ROS1: variants seen among roughly 807,000 people sequenced by gnomAD.
ROS1 encodes the protein proto-oncogene tyrosine-protein kinase ROS.
In ROS1, 263 loss-of-function variants were observed where a neutral mutation model predicts 273.5. The ratio of observed to expected loss-of-function variants is 0.96; its 90% CI spans 0.87 to 1.06. ROS1 has a LOEUF of 1.06. Among genes scored for constraint, ROS1 ranks in the 50% least tolerant of loss-of-function variants. ROS1 has a pLI of 0.00. For missense variants in ROS1, 2,833 were observed against 2,751.1 expected (o/e 1.03, Z -0.67); for synonymous variants, 1,008 against 954.1 (o/e 1.06, Z -1.04).
chr6:117,393,311 C>A lies in ROS1; in HGVS notation c.1202G>T (p.Cys401Phe). 1.2e-6 allele frequency: 2 copies of A among 1,602,762 alleles called. No homozygotes were observed. Among genetic ancestry groups the A allele is most frequent in the African/African-American group, 1.3e-5 (1 of 74,774 alleles). ...GATGTTTGAGCAGTTCTCTAAATCACAGACACATACCTAAAAAAATAAAAA... is the reference window on the plus strand; with the variant it reads ...GATGTTTGAGCAGTTCTCTAAATCAAAGACACATACCTAAAAAAATAAAAA... ...YFIMDELVCV[C>F]DLENCSNIEE... is the part of the protein sequence containing the mutation. Residue 401 changes from cysteine to phenylalanine, a missense_variant, in exon 12 of 44, where the codon TGT becomes TTT. Transcript: ENST00000368507.
rs572587667 is a variant in ROS1, at chr6:117,336,659, G to A, written c.5230+513C>T. Among the ~76,000 whole-genome samples the A allele has an allele frequency of 2.6e-5, 4 of 152,212 alleles. No homozygotes were observed. The South Asian group carries it at 8.3e-4, about 32-fold the overall frequency. ...TACGTGTGCATGTATCTTTGTAATAGAATGATTTATATTCCTTTGGGTATG... is the reference window on the plus strand; with the variant it reads ...TACGTGTGCATGTATCTTTGTAATAAAATGATTTATATTCCTTTGGGTATG... On this transcript the variant is annotated intron_variant, in intron 32 of 43. Coordinates refer to ENST00000368507, the MANE Select transcript of ROS1 (RefSeq NM_001378902.1).
intron 39 of ROS1, among the ~76,000 whole-genome samples, chr6:117,314,057 C>CT (rs995554654): frequency 1.3e-5 from 2 of 151,364 alleles, no homozygotes; most frequent in African/African-American, 2.4e-5. Flanking sequence ...AGTAGATCCA[C>CT]TTTTTTTTTC....
intron 43 of ROS1, among the ~76,000 whole-genome samples, chr6:117,290,872 C>CTTAG: frequency 6.6e-6 from 1 of 152,262 alleles, no homozygotes; most frequent in Middle Eastern, 3.4e-3. Context: ...TTCTTCTCTA[C>CTTAG]GTACATATCT....
Position 117,365,139 on chromosome 6 carries a change from T to G in ROS1, c.3024A>C (p.Leu1008Phe). The G allele has an allele frequency of 6.2e-7, 1 of 1,613,350 alleles. No homozygotes were observed. Among genetic ancestry groups the G allele is most frequent in the Non-Finnish European group, 8.5e-7 (1 of 1,179,338 alleles). ...FTVEGLEPYA[L>F]FNLSVTPYTY... ...TATAAGGAGTGACAGAAAGATTAAA[T>G]AAGGCATAAGGTTCCAGTCCTTCCA... Residue 1008 changes from leucine (L) to phenylalanine (F), a missense_variant, in exon 21 of 44, where the codon TTA (leucine) becomes TTC (phenylalanine). Coordinates refer to ENST00000368507, the MANE Select transcript of ROS1 (RefSeq NM_001378902.1).
At chr6:117,340,008 C>G (rs1244042227) in intron 31 of ROS1, among the ~76,000 whole-genome samples, 1 of 152,098 alleles carries the variant, frequency 6.6e-6, no homozygotes, top group Non-Finnish European at 1.5e-5. Flanking sequence ...GAAGTCTTTT[C>G]CCATTTCATT....
chr6:117,290,978 A>G (rs1329331889), intron 43 of ROS1, among the ~76,000 whole-genome samples: 1 of 152,202 alleles, frequency 6.6e-6, no homozygotes, highest in East Asian at 1.9e-4. Context: ...ATTATTTTTT[A>G]TTGAAAAAAT....
intron 26 of ROS1, among the ~76,000 whole-genome samples, chr6:117,354,220 G>A (rs1009496012): frequency 2.6e-5 from 4 of 152,086 alleles, no homozygotes; most frequent in African/African-American, 4.8e-5. Context: ...AGGCATGGTA[G>A]TGTGCACCTG....
chr6:117,392,699 T>C (rs552398945), intron 12 of ROS1, among the ~76,000 whole-genome samples: 3 of 152,214 alleles, frequency 2.0e-5, no homozygotes, highest in Non-Finnish European at 4.4e-5. Flanking sequence ...GTACAATGTG[T>C]CCATTTCATT....
At position 117,318,213 on chromosome 6, in the gene ROS1, A is replaced by G; in HGVS notation, c.5962T>C (p.Phe1988Leu). The G allele has an allele frequency of 6.2e-7, 1 of 1,613,010 alleles. No homozygotes were observed. The highest frequency in any genetic ancestry group is 2.2e-5 in the East Asian group (1 of 44,818). Reference sequence around the variant, plus strand: ...CTCATCAGATGTGCCTCCTTCAGGAATTCAATCTTCTCCTGGTCTGTGGAA... The same window carrying G: ...CTCATCAGATGTGCCTCCTTCAGGAGTTCAATCTTCTCCTGGTCTGTGGAA... ...KGSTDQEKIE[F>L]LKEAHLMSKF... The change falls in exon 38 of 44, where the codon TTC becomes CTC. Residue 1988 changes from phenylalanine (F) to leucine (L), a missense_variant. By Grantham distance (22) the Phe-to-Leu change is conservative. Coordinates refer to ENST00000368507, the MANE Select transcript of ROS1 (RefSeq NM_001378902.1).
chr6:117,304,994 T>G (rs746155947), intron 42 of ROS1, among the ~76,000 whole-genome samples: 6 of 152,134 alleles, frequency 3.9e-5, no homozygotes, highest in Admixed American at 1.3e-4. Context: ...GATTGTAAGC[T>G]TCCTGAGGCC....
rs546591718 is a variant in ROS1 at position 117,417,381 on chromosome 6, G to A, written c.169-1064C>T. On this transcript the variant is annotated intron_variant, in intron 2 of 43. Coordinates refer to ENST00000368507, the MANE Select transcript of ROS1 (RefSeq NM_001378902.1). Reference sequence around the variant, plus strand: ...TCACGAAGCCCTATTGACTTATCTGGTCATTAACTAAAATCCATCTGAGTT... The same window carrying A: ...TCACGAAGCCCTATTGACTTATCTGATCATTAACTAAAATCCATCTGAGTT... Among the ~76,000 whole-genome samples, 234 of 152,140 alleles carry A rather than the reference G, an allele frequency of 1.5e-3. 1 individual carries two copies. The highest frequency in any genetic ancestry group is 2.9e-3 in the Non-Finnish European group (195 of 68,008).
At chr6:117,298,547 G>A (rs1774433043) in intron 43 of ROS1, among the ~76,000 whole-genome samples, 1 of 152,154 alleles carries the variant, frequency 6.6e-6, no homozygotes, top group Non-Finnish European at 1.5e-5. Context: ...GTGAAGTTAT[G>A]ACAAATAAGA....
chr6:117,370,321 A>G (rs1356801957), intron 18 of ROS1, among the ~76,000 whole-genome samples: 1 of 152,116 alleles, frequency 6.6e-6, no homozygotes, highest in African/African-American at 2.4e-5. Context: ...AGAACCTAAT[A>G]CCAGAAATCT....
intron 43 of ROS1, among the ~76,000 whole-genome samples, chr6:117,294,261 C>A (rs1415812577): frequency 6.6e-6 from 1 of 152,046 alleles, no homozygotes; most frequent in Non-Finnish European, 1.5e-5. Context: ...ACAAGGATGG[C>A]CATTTTCACC....
At chr6:117,411,498 G>A (rs1477375323) in intron 4 of ROS1, among the ~76,000 whole-genome samples, 1 of 152,086 alleles carries the variant, frequency 6.6e-6, no homozygotes, top group Non-Finnish European at 1.5e-5. Context: ...TTCCCACAGT[G>A]GAGGCCAAGT....
chr6:117,385,767 A>T lies in ROS1; in HGVS notation c.2205T>A (p.Tyr735Ter), dbSNP rs1231753319. 2.5e-6 allele frequency: 4 copies of T among 1,614,180 alleles called. No homozygotes were observed. The highest frequency in any genetic ancestry group is 2.7e-5 in the African/African-American group (2 of 75,052). The part of the protein sequence containing the change: ...LLNGTDISEN[Y>*]HLPSIAGAGA... ...CTGCTCCTGCAATGCTGGGTAGGTG[A>T]TAATTCTCTGAGATATCCGTCCCAT... The change falls in exon 16 of 44, where the codon TAT becomes TAA. Residue 735 changes from tyrosine to a stop codon, truncating the protein, a stop_gained. Transcript: ENST00000368507. LOFTEE classifies it high-confidence loss of function.
chr6:117,300,893 G>A (rs1774666793), intron 43 of ROS1, 81 bp downstream of exon 43: 1 of 1,144,160 alleles, frequency 8.7e-7, no homozygotes, highest in Non-Finnish European at 1.2e-6. Flanking sequence ...ACCCCAAAAT[G>A]CTTTCTGTGT....
chr6:117,362,475 T>C lies in ROS1; in HGVS notation c.3366+128A>G, dbSNP rs1011066390. 3 of 776,668 alleles carry C rather than the reference T, an allele frequency of 3.9e-6. No homozygotes were observed. In the African/African-American group the frequency reaches 5.3e-5, roughly 14 times the overall value. 48.1% of individuals were successfully genotyped at this position (776,668 alleles called of 1,614,324 possible). ...ATTTTCTCACATAATTTTAAAAAAC[T>C]ATAGTGGCCAATCAAAATCTAGGTA... On this transcript the variant is annotated intron_variant, in intron 22 of 43. Coordinates refer to ENST00000368507, the MANE Select transcript of ROS1 (RefSeq NM_001378902.1).
At chr6:117,359,660 T>G (rs549801633) in intron 24 of ROS1, 149 bp downstream of exon 24, 34 of 669,630 alleles carry the variant, frequency 5.1e-5, no homozygotes, top group African/African-American at 4.9e-4. Context: ...GTAGTCTGTA[T>G]TCATTTGTGG....
Sources: gnomAD v4.1 joint callset for allele counts (sites outside exome capture counted in the v4.1 genomes callset) on GRCh38, gnomAD v4.1.1 for gene constraint, MANE v1.5 for transcripts, NCBI Gene and HGNC (gene_info 2026-07-23, HGNC 2026-07-21) for gene names.